Variants in PTK2 observed in about 807,000 individuals in gnomAD.
The protein encoded by PTK2 is focal adhesion kinase 1.
A neutral mutation model predicts 150.1 loss-of-function variants in PTK2; 45 were observed. That is an observed-to-expected ratio of 0.30 (90% CI 0.24 to 0.38). The LOEUF (loss-of-function observed/expected upper bound fraction) is 0.38, where lower values mean the gene tolerates loss of function less well. Ranked by LOEUF, PTK2 falls within the 10% of genes least tolerant of loss-of-function variation. The pLI, the probability that PTK2 is intolerant of heterozygous loss-of-function variation, is 1.00. For synonymous variants in PTK2, 432 were observed against 449.2 expected, an observed-to-expected ratio of 0.96 and a Z score of 0.48; for missense variants, 919 against 1,307.3, an observed-to-expected ratio of 0.70 and a Z score of 4.58.
intron 14 of PTK2, among the ~76,000 whole-genome samples, chr8:140,769,155 G>A (rs1419932937): frequency 6.6e-6 from 1 of 152,134 alleles, no homozygotes; most frequent in East Asian, 1.9e-4. Flanking sequence ...GTTTCTGTGA[G>A]TCTTTAAAAT....
intron 20 of PTK2, among the ~76,000 whole-genome samples, chr8:140,740,030 A>C (rs754033160): frequency 3.1e-4 from 47 of 152,230 alleles, no homozygotes; most frequent in Non-Finnish European, 5.7e-4. Flanking sequence ...AAGAGCAGGA[A>C]GGGGCAATGG....
chr8:140,801,891 T>G (rs1371935264), intron 11 of PTK2, among the ~76,000 whole-genome samples: 3 of 152,116 alleles, frequency 2.0e-5, no homozygotes, highest in Non-Finnish European at 4.4e-5. Flanking sequence ...TTGCTAGGTA[T>G]GCCGTAGCCA....
intron 1 of PTK2, among the ~76,000 whole-genome samples, chr8:140,943,015 T>A (rs2100176381): frequency 6.6e-6 from 1 of 152,130 alleles, no homozygotes; most frequent in African/African-American, 2.4e-5. Context: ...TCACCTTCCA[T>A]CATGAGTAAA....
intron 14 of PTK2, among the ~76,000 whole-genome samples, chr8:140,786,079 G>C (rs568739082): frequency 5.1e-4 from 78 of 152,306 alleles, no homozygotes; most frequent in African/African-American, 1.9e-3. Flanking sequence ...CCAGTATCTA[G>C]AATAGTGCTC....
intron 20 of PTK2, among the ~76,000 whole-genome samples, chr8:140,742,012 C>A (rs1034816991): frequency 6.6e-6 from 1 of 152,076 alleles, no homozygotes; most frequent in African/African-American, 2.4e-5. Context: ...GGCGCACGCC[C>A]GTAGTACCAG....
intron 26 of PTK2, among the ~76,000 whole-genome samples, chr8:140,692,617 CAAAACAAACA>C (rs1311721174): frequency 5.7e-5 from 8 of 141,266 alleles, no homozygotes; most frequent in East Asian, 2.1e-4. Context: ...GACTTCGTCT[CAAAACAAACA>C]AAAACAAACA....
chr8:140,661,529 G>A (rs939148982), intron 31 of PTK2, among the ~76,000 whole-genome samples: 1 of 152,226 alleles, frequency 6.6e-6, no homozygotes, highest in African/African-American at 2.4e-5. Context: ...AGAGCTCAGG[G>A]CGGGGTTCTA....
intron 22 of PTK2, among the ~76,000 whole-genome samples, chr8:140,729,597 A>G (rs1262092059): frequency 3.3e-5 from 5 of 152,236 alleles, no homozygotes; most frequent in South Asian, 2.1e-4. Flanking sequence ...CATTCCTTTT[A>G]AGGACTTTGG....
At chr8:140,716,453 T>C (rs1360553049) in intron 23 of PTK2, among the ~76,000 whole-genome samples, 1 of 152,208 alleles carries the variant, frequency 6.6e-6, no homozygotes, top group Non-Finnish European at 1.5e-5. Context: ...TCGTTCAATG[T>C]AACATCCATC....
chr8:140,970,187 A>T (rs1440734698), intron 1 of PTK2, among the ~76,000 whole-genome samples: 1 of 152,262 alleles, frequency 6.6e-6, no homozygotes, highest in Middle Eastern at 3.2e-3. Flanking sequence ...CACTGTGAAC[A>T]GCTGCTTCCT....
At chr8:140,870,166 A>C (rs1234118229) in intron 4 of PTK2, among the ~76,000 whole-genome samples, 1 of 152,194 alleles carries the variant, frequency 6.6e-6, no homozygotes, top group Non-Finnish European at 1.5e-5. Flanking sequence ...AAAAGTCAAC[A>C]CCATAAAATT....
chr8:140,726,392 T>C (rs376197133), intron 22 of PTK2, among the ~76,000 whole-genome samples: 52 of 152,248 alleles, frequency 3.4e-4, no homozygotes, highest in Middle Eastern at 3.4e-3. Context: ...AAAAGATATG[T>C]TTATAGATTC....
chr8:140,788,089 C>G (rs1006419563), intron 14 of PTK2, among the ~76,000 whole-genome samples: 2 of 152,228 alleles, frequency 1.3e-5, no homozygotes, highest in East Asian at 3.9e-4. Flanking sequence ...TGTTTACTGC[C>G]CCAGTGTCAC....
intron 1 of PTK2, among the ~76,000 whole-genome samples, chr8:140,953,767 C>T (rs1489305663): frequency 1.7e-4 from 26 of 152,122 alleles, no homozygotes; most frequent in Admixed American, 1.6e-3. Context: ...ATCTGAATCC[C>T]AGCTTTGCCA....
At chr8:140,781,313 GAGA>G (rs2100081551) in intron 14 of PTK2, among the ~76,000 whole-genome samples, 1 of 152,132 alleles carries the variant, frequency 6.6e-6, no homozygotes, top group Admixed American at 6.5e-5. Context: ...TAAAAAGATT[GAGA>G]AGTTTATTAA....
In PTK2 at chr8:140,959,736, T is replaced by C. The variant is rs545462270; in HGVS notation, c.-121-33987A>G. On this transcript the variant is annotated intron_variant, in intron 1 of 31. Transcript: ENST00000522684. Reference sequence around the variant, plus strand: ...GCCCACGTATAGCAGCTCATGCCTGTAATTCTAGCACTTTGGGAGGCCAAG... The same window carrying C: ...GCCCACGTATAGCAGCTCATGCCTGCAATTCTAGCACTTTGGGAGGCCAAG... Among the ~76,000 whole-genome samples the C allele has an allele frequency of 3.3e-5, 5 of 152,196 alleles. No individual in the cohort carries two copies. In the East Asian group the frequency reaches 7.7e-4, roughly 23 times the overall value.
rs375986817 is a variant in PTK2, at chr8:140,659,583, T to C, written c.3042A>G (p.Gln1014=). 1.3e-5 allele frequency: 21 copies of C among 1,614,036 alleles called. No individual in the cohort carries two copies. The African/African-American group carries it at 2.7e-4, about 21-fold the overall frequency. ...CAGTCAGCATTTGCTTTTTGTACTCTTGCTGGAGGCTGGTCATGACATACT... is the reference window on the plus strand; with the variant it reads ...CAGTCAGCATTTGCTTTTTGTACTCCTGCTGGAGGCTGGTCATGACATACT... The change falls in exon 32 of 32, where the codon CAA becomes CAG. Residue 1014 remains glutamine (Q), a synonymous_variant. Transcript: ENST00000522684.
chr8:140,979,790 C>G (rs1005945009), intron 1 of PTK2, among the ~76,000 whole-genome samples: 5 of 152,146 alleles, frequency 3.3e-5, no homozygotes, highest in Non-Finnish European at 7.4e-5. Context: ...TTCCCTTATA[C>G]AAGCTCTCTT....
intron 2 of PTK2, chr8:140,920,680 C>T (rs947090400): frequency 1.0e-5 from 9 of 889,900 alleles, no homozygotes; most frequent in Non-Finnish European, 1.4e-5. Flanking sequence ...TAAACCCATA[C>T]CAAATCTATT....
Sources: gnomAD v4.1 joint callset for allele counts (sites outside exome capture counted in the v4.1 genomes callset) on GRCh38, gnomAD v4.1.1 for gene constraint, MANE v1.5 for transcripts, NCBI Gene and HGNC (gene_info 2026-07-23, HGNC 2026-07-21) for gene names.